The following ELAPOR2 variants were observed in gnomAD, a reference collection of about 807,000 sequenced individuals.
ELAPOR2 encodes the protein endosome/lysosome-associated apoptosis and autophagy regulator family member 2.
ELAPOR2 carries 89 observed loss-of-function variants against 120.7 expected under a neutral mutation model. The ratio of observed to expected loss-of-function variants is 0.74; its 90% confidence interval spans 0.62 to 0.88. ELAPOR2 has a LOEUF of 0.88. Ranked by LOEUF, ELAPOR2 falls within the 40% of genes least tolerant of loss-of-function variation. The pLI, the probability that ELAPOR2 is intolerant of heterozygous loss-of-function variation, is 0.00. For missense variants in ELAPOR2, 1,134 were observed against 1,251.6 expected, an observed-to-expected ratio of 0.91 and a Z score of 1.42; for synonymous variants, 444 against 444.9, an observed-to-expected ratio of 1.00 and a Z score of 0.03.
chr7:87,046,345 A>C (rs1794956887), intron 1 of ELAPOR2, among the ~76,000 whole-genome samples: 1 of 152,222 alleles, frequency 6.6e-6, no homozygotes, highest in Admixed American at 6.5e-5. Flanking sequence ...ATGAATTGGA[A>C]GAATATTGTT....
chr7:87,017,643 G>A (rs1046370716), intron 1 of ELAPOR2, among the ~76,000 whole-genome samples: 4 of 152,124 alleles, frequency 2.6e-5, no homozygotes, highest in Non-Finnish European at 5.9e-5. Context: ...AAAATAGGCT[G>A]AGCGTGGTGG....
In ELAPOR2 at chr7:86,926,903, T is replaced by A. The variant is rs370803630; in HGVS notation, c.1103A>T (p.Tyr368Phe). Residue 368 changes from tyrosine to phenylalanine, a missense_variant, in exon 9 of 22, where the codon TAC becomes TTC. Around this residue, in one of 3 missense-constraint regions of ELAPOR2, gnomAD observed 831 missense variants for 867.6 expected, o/e 0.96. Coordinates refer to ENST00000450689, the MANE Select transcript of ELAPOR2 (RefSeq NM_001142749.3). ...CDEEGKTQIM[Y>F]KWIEPKICRE... ...GCAGATTTTGGGCTCTATCCACTTG[T>A]ACATTATCTGTGTCTACAAAAAAAA... The A allele has an allele frequency of 1.1e-5, 14 of 1,314,072 alleles. No individual in the cohort carries two copies. The highest frequency in any genetic ancestry group is 1.8e-5 in the African/African-American group (1 of 54,658). The allele number at this position is 1,314,072 out of a possible 1,614,324, so 81.4% of individuals were successfully genotyped here.
At chr7:86,932,336 C>G (rs1790363673) in intron 8 of ELAPOR2, among the ~76,000 whole-genome samples, 1 of 151,906 alleles carries the variant, frequency 6.6e-6, no homozygotes, top group South Asian at 2.1e-4. Flanking sequence ...CCTGCCTCCT[C>G]CCCTCTCCAT....
chr7:86,994,956 C>T (rs191338408), intron 1 of ELAPOR2, among the ~76,000 whole-genome samples: 4 of 152,126 alleles, frequency 2.6e-5, no homozygotes, highest in Admixed American at 2.0e-4. Flanking sequence ...AAAAGAAAAC[C>T]GAGCTTTTTT....
chr7:87,041,437 GA>G (rs1344807066), intron 1 of ELAPOR2, among the ~76,000 whole-genome samples: 1 of 152,098 alleles, frequency 6.6e-6, no homozygotes, highest in Non-Finnish European at 1.5e-5. Flanking sequence ...CTACGAGCCA[GA>G]AGAGAGTGGG....
intron 9 of ELAPOR2, 115 bp downstream of exon 9, chr7:86,926,621 A>T: frequency 9.2e-7 from 1 of 1,081,338 alleles, no homozygotes; most frequent in East Asian, 2.6e-5. Context: ...TTGTCTACTA[A>T]AACTAAAAGA....
chr7:87,031,575 G>T (rs17161233), intron 1 of ELAPOR2, among the ~76,000 whole-genome samples: 3,685 of 152,178 alleles, frequency 0.024, 167 homozygotes, highest in African/African-American at 0.085. Flanking sequence ...TCAGAACAGC[G>T]TTAAATACTG....
chr7:87,004,288 G>A (rs1167833734), intron 1 of ELAPOR2, among the ~76,000 whole-genome samples: 1 of 152,190 alleles, frequency 6.6e-6, no homozygotes, highest in Admixed American at 6.6e-5. Context: ...AATAGCCGCA[G>A]GCTAAAGATC....
At chr7:86,916,740 T>A (rs1789586672) in intron 12 of ELAPOR2, among the ~76,000 whole-genome samples, 2 of 152,216 alleles carry the variant, frequency 1.3e-5, no homozygotes, top group South Asian at 4.1e-4. Context: ...ACTTTAAGAA[T>A]CACTGCTATA....
At chr7:86,898,487 T>G (rs773658987) in intron 18 of ELAPOR2, among the ~76,000 whole-genome samples, 9 of 148,158 alleles carry the variant, frequency 6.1e-5, no homozygotes, top group Non-Finnish European at 1.3e-4. Flanking sequence ...TTTAAATGGC[T>G]GAATTGTATG....
At chr7:86,914,697 T>G (rs761556248) in intron 13 of ELAPOR2, 26 bp downstream of exon 13, 1 of 1,586,158 alleles carries the variant, frequency 6.3e-7, no homozygotes, top group Non-Finnish European at 8.6e-7. Flanking sequence ...TGTTTAAAAT[T>G]TTAAAAAAAA....
intron 10 of ELAPOR2, among the ~76,000 whole-genome samples, 164 bp downstream of exon 10, chr7:86,925,364 C>T (rs1024871489): frequency 6.6e-6 from 1 of 151,872 alleles, no homozygotes; most frequent in Non-Finnish European, 1.5e-5. Flanking sequence ...GGCTGTGACA[C>T]CACATTTACT....
chr7:87,003,684 A>G (rs1793386762), intron 1 of ELAPOR2, among the ~76,000 whole-genome samples: 1 of 152,128 alleles, frequency 6.6e-6, no homozygotes, highest in Admixed American at 6.6e-5. Flanking sequence ...ACAATGTGAG[A>G]ACGAGCTAAT....
At chr7:86,950,332 A>C (rs1274256294) in intron 2 of ELAPOR2, among the ~76,000 whole-genome samples, 1 of 152,234 alleles carries the variant, frequency 6.6e-6, no homozygotes, top group African/African-American at 2.4e-5. Context: ...TTTAACAAAT[A>C]GGGCTGAAAC....
intron 1 of ELAPOR2, among the ~76,000 whole-genome samples, chr7:87,009,480 A>G (rs574691067): frequency 6.6e-6 from 1 of 152,336 alleles, no homozygotes; most frequent in South Asian, 2.1e-4. Flanking sequence ...CTTGAAAAAC[A>G]GTTTGAGGCC....
intron 5 of ELAPOR2, among the ~76,000 whole-genome samples, chr7:86,940,903 C>T (rs10235954): frequency 0.39 from 59,310 of 151,858 alleles, 14,454 homozygotes; most frequent in African/African-American, 0.7. Context: ...TTGTATTAAG[C>T]CTTTTTAAGT....
intron 1 of ELAPOR2, among the ~76,000 whole-genome samples, chr7:87,043,132 G>A (rs894781790): frequency 9.9e-5 from 15 of 151,632 alleles, no homozygotes; most frequent in Admixed American, 3.9e-4. Flanking sequence ...GCTTACCAAC[G>A]AAAAAGAGTC....
chr7:86,939,055 T>C (rs946742006), intron 6 of ELAPOR2, 95 bp from the exon 7 acceptor site: 1 of 1,378,708 alleles, frequency 7.3e-7, no homozygotes, highest in Admixed American at 1.9e-5. Context: ...GTGAGGGAGA[T>C]ATATGAACAG....
chr7:86,962,911 T>A (rs1791772036), intron 2 of ELAPOR2, among the ~76,000 whole-genome samples: 1 of 152,224 alleles, frequency 6.6e-6, no homozygotes, highest in Admixed American at 6.5e-5. Flanking sequence ...GTTAAAGTTA[T>A]GAACTGTGCT....
Sources: allele counts gnomAD v4.1 joint callset (sites outside exome capture counted in the v4.1 genomes callset), GRCh38; gene constraint gnomAD v4.1.1; regional missense constraint gnomAD v4.1.1; transcripts MANE v1.5; gene names NCBI Gene and HGNC (gene_info 2026-07-23, HGNC 2026-07-21).